The following RHOH variants were observed in gnomAD, a reference collection of about 807,000 sequenced individuals.
The protein encoded by RHOH is rho-related GTP-binding protein RhoH.
RHOH carries 6 observed loss-of-function variants against 13.8 expected under a neutral mutation model. The observed-to-expected ratio is 0.44, with a 90% CI of 0.24 to 0.86. The LOEUF is 0.86. RHOH is among the 40% of genes least tolerant of loss of function. The probability of loss-of-function intolerance (pLI) is 0.24; values close to 1 mark genes in which losing one functional copy is unlikely to be tolerated. For synonymous variants in RHOH, 117 were observed against 103.0 expected, an observed-to-expected ratio of 1.14 and a Z score of -0.82; for missense variants, 147 against 244.5, an observed-to-expected ratio of 0.60 and a Z score of 2.66.
intron 1 of RHOH, among the ~76,000 whole-genome samples, chr4:40,236,740 C>T (rs969336043): frequency 1.3e-5 from 2 of 151,468 alleles, no homozygotes; most frequent in African/African-American, 4.9e-5. Flanking sequence ...TGCAGTGAGC[C>T]GAGATCGTGC....
chr4:40,237,690 A>G (rs1728752372), intron 1 of RHOH, among the ~76,000 whole-genome samples: 1 of 152,208 alleles, frequency 6.6e-6, no homozygotes. Flanking sequence ...ATCAGCTGCT[A>G]CCAGCACAGG....
rs778244885 is a variant in RHOH at position 40,243,920 on chromosome 4, C to T, written c.534C>T (p.Asn178=). ...RTAVNQARRR[N]RRRLFSINEC... ...CCGTCAACCAGGCCAGGAGACGAAA[C>T]AGAAGGAGGCTCTTCTCCATCAATG... Residue 178 remains asparagine (N), a synonymous_variant, in exon 3 of 3, where the codon AAC becomes AAT. Transcript: ENST00000381799. The surrounding 1 kb of genome is among the most constrained non-coding windows in gnomAD (Gnocchi z 6.2). 3 of 1,614,024 alleles carry T rather than the reference C, an allele frequency of 1.9e-6. No individual in the cohort carries two copies. Among genetic ancestry groups the T allele is most frequent in the Admixed American group, 3.3e-5 (2 of 60,006 alleles).
At chr4:40,198,194 C>A (rs774264177) in intron 1 of RHOH, among the ~76,000 whole-genome samples, 2 of 152,084 alleles carry the variant, frequency 1.3e-5, no homozygotes, top group Non-Finnish European at 2.9e-5. Context: ...TGGGGGCAAA[C>A]TGGAGTTGTC....
Position 40,243,339 on chromosome 4 carries a change from C to T in RHOH, c.-48C>T, listed in dbSNP as rs1729476636. 6.6e-7 allele frequency: 1 copy of T among 1,513,756 alleles called. No homozygotes were observed. The highest frequency in any genetic ancestry group is 8.9e-7 in the Non-Finnish European group (1 of 1,125,388). The allele number at this position is 1,513,756 out of a possible 1,614,324, so 93.8% of individuals were successfully genotyped here. Reference sequence around the variant, plus strand: ...GTGCTGCAGCTGCCCACTGAGGGCTCTTTTCCCTGGGATTCTGGACTTCAG... The same window carrying T: ...GTGCTGCAGCTGCCCACTGAGGGCTTTTTTCCCTGGGATTCTGGACTTCAG... On this transcript the variant is annotated 5_prime_UTR_variant, in exon 3 of 3. Transcript: ENST00000381799. The surrounding 1 kb of genome is among the most constrained non-coding windows in gnomAD (Gnocchi z 6.2).
chr4:40,231,745 C>T (rs773868202), intron 1 of RHOH, among the ~76,000 whole-genome samples: 14 of 152,086 alleles, frequency 9.2e-5, no homozygotes, highest in Middle Eastern at 3.2e-3. Flanking sequence ...TTGATCCCAA[C>T]GGCAGGAGCC....
intron 1 of RHOH, among the ~76,000 whole-genome samples, chr4:40,206,055 T>C (rs1724602602): frequency 6.6e-6 from 1 of 152,188 alleles, no homozygotes. Flanking sequence ...AACACAAATA[T>C]TCCATGTACA....
At chr4:40,191,932 C>T (rs920249372), upstream of RHOH, among the ~76,000 whole-genome samples, 2 of 148,624 alleles carry the variant, frequency 1.3e-5, no homozygotes, top group Admixed American at 6.7e-5. Context: ...GTTAGGGAGG[C>T]TGGTTTTTTT....
At chr4:40,214,948 G>A (rs1194067762) in intron 1 of RHOH, among the ~76,000 whole-genome samples, 5 of 152,106 alleles carry the variant, frequency 3.3e-5, no homozygotes, top group Non-Finnish European at 5.9e-5. Context: ...TAGTCCTGAC[G>A]AGAGCTGCGT....
upstream of RHOH, among the ~76,000 whole-genome samples, chr4:40,196,593 C>G (rs1352879600): frequency 6.6e-6 from 1 of 151,824 alleles, no homozygotes; most frequent in Non-Finnish European, 1.5e-5. Context: ...CAAAGCGAAG[C>G]AGACAATCCA....
chr4:40,194,378 G>C (rs2109329677), upstream of RHOH, among the ~76,000 whole-genome samples: 1 of 152,160 alleles, frequency 6.6e-6, no homozygotes, highest in South Asian at 2.1e-4. Context: ...ACAGGCATGA[G>C]CTACCGTGCC....
At chr4:40,196,029 C>T (rs77346171), upstream of RHOH, among the ~76,000 whole-genome samples, 8,170 of 152,234 alleles carry the variant, frequency 0.054, 254 homozygotes, top group Middle Eastern at 0.085. Flanking sequence ...TTTGCCTCTA[C>T]GTGGAATGTT....
chr4:40,216,520 A>G (rs570647906), intron 1 of RHOH, among the ~76,000 whole-genome samples: 2 of 152,306 alleles, frequency 1.3e-5, no homozygotes, highest in African/African-American at 4.8e-5. Flanking sequence ...TGACAAAAAT[A>G]TGATTCTTTA....
intron 1 of RHOH, among the ~76,000 whole-genome samples, chr4:40,223,522 G>A (rs1235162927): frequency 7.0e-6 from 1 of 142,412 alleles, no homozygotes; most frequent in East Asian, 2.0e-4. Flanking sequence ...CCAGGCTGGA[G>A]TGCAGTGGTG....
intron 1 of RHOH, among the ~76,000 whole-genome samples, chr4:40,217,742 A>C (rs1726056893): frequency 6.6e-6 from 1 of 152,256 alleles, no homozygotes; most frequent in Admixed American, 6.5e-5. Context: ...AAATTAAGGC[A>C]AAAATAAATA....
At chr4:40,192,633 G>T (rs115594377), upstream of RHOH, among the ~76,000 whole-genome samples, 1 of 152,222 alleles carries the variant, frequency 6.6e-6, no homozygotes, top group Admixed American at 6.5e-5. Flanking sequence ...GAATATTAAA[G>T]TAAGCTGTTC....
At chr4:40,192,731 T>G (rs186969736), upstream of RHOH, among the ~76,000 whole-genome samples, 53 of 152,328 alleles carry the variant, frequency 3.5e-4, no homozygotes, top group East Asian at 9.8e-3. Flanking sequence ...GGGGACCGTT[T>G]GCACAGGGAA....
chr4:40,196,134 A>G (rs1199637539), upstream of RHOH, among the ~76,000 whole-genome samples: 3 of 152,228 alleles, frequency 2.0e-5, no homozygotes, highest in Admixed American at 6.5e-5. Context: ...ACCCAGCTCA[A>G]TTAAACTCAA....
intron 1 of RHOH, among the ~76,000 whole-genome samples, chr4:40,225,614 G>C (rs1057075232): frequency 1.3e-5 from 2 of 152,200 alleles, no homozygotes; most frequent in Non-Finnish European, 2.9e-5. Context: ...GTGGTCTTCT[G>C]CTCATCAAAT....
At chr4:40,226,226 T>C (rs1246929999) in intron 1 of RHOH, among the ~76,000 whole-genome samples, 1 of 152,090 alleles carries the variant, frequency 6.6e-6, no homozygotes, top group Non-Finnish European at 1.5e-5. Flanking sequence ...GCAAGGGAGA[T>C]GAAAATCTAA....
Sources: allele counts gnomAD v4.1 joint callset (sites outside exome capture counted in the v4.1 genomes callset), GRCh38; gene constraint gnomAD v4.1.1; non-coding constraint Gnocchi (gnomAD v3.1); transcripts MANE v1.5; gene names NCBI Gene and HGNC (gene_info 2026-07-23, HGNC 2026-07-21).